The following PTPRG variants were observed in gnomAD, a reference collection of about 807,000 sequenced individuals.
PTPRG encodes the protein receptor-type tyrosine-protein phosphatase gamma.
Under a neutral mutation model 165.3 loss-of-function variants are expected in PTPRG, and 102 were observed. That is an observed-to-expected ratio of 0.62 (90% CI 0.53 to 0.73). The LOEUF (loss-of-function observed/expected upper bound fraction) is 0.73, where lower values mean the gene tolerates loss of function less well. Ranked by LOEUF, PTPRG falls within the 30% of genes least tolerant of loss-of-function variation. PTPRG has a pLI of 0.00. For synonymous variants in PTPRG, 675 were observed against 669.5 expected, an observed-to-expected ratio of 1.01 and a Z score of -0.13; for missense variants, 1,866 against 1,861.4, an observed-to-expected ratio of 1.00 and a Z score of -0.05.
intron 1 of PTPRG, among the ~76,000 whole-genome samples, chr3:61,656,445 G>A (rs1182541192): frequency 6.6e-6 from 1 of 152,160 alleles, no homozygotes; most frequent in African/African-American, 2.4e-5. Context: ...AACCAGGAAT[G>A]CATTTTAAGG....
intron 13 of PTPRG, among the ~76,000 whole-genome samples, chr3:62,221,922 T>TAATG (rs1700659961): frequency 6.6e-6 from 1 of 152,260 alleles, no homozygotes. Context: ...GTGTTAGTGC[T>TAATG]AATGTTCAGT....
At chr3:61,855,358 T>C (rs1206084251) in intron 2 of PTPRG, among the ~76,000 whole-genome samples, 2 of 152,212 alleles carry the variant, frequency 1.3e-5, no homozygotes, top group Admixed American at 1.3e-4. Context: ...TTCAGTGTTT[T>C]GTAATTAATC....
intron 1 of PTPRG, among the ~76,000 whole-genome samples, chr3:61,731,057 G>A (rs1021209700): frequency 2.6e-5 from 4 of 152,176 alleles, no homozygotes; most frequent in African/African-American, 9.7e-5. Context: ...TCAATGCCAA[G>A]CCAAGGTGTT....
intron 7 of PTPRG, among the ~76,000 whole-genome samples, chr3:62,164,965 G>A (rs916307309): frequency 6.6e-6 from 1 of 152,116 alleles, no homozygotes; most frequent in Non-Finnish European, 1.5e-5. Flanking sequence ...AAAATTTCCG[G>A]TCTAATTCAC....
chr3:61,616,748 T>G (rs1701308953), intron 1 of PTPRG, among the ~76,000 whole-genome samples: 2 of 152,176 alleles, frequency 1.3e-5, no homozygotes, highest in South Asian at 4.1e-4. Flanking sequence ...CTAGATTTCA[T>G]TCTCTCAATT....
intron 4 of PTPRG, among the ~76,000 whole-genome samples, chr3:62,004,764 G>A (rs2041255854): frequency 6.6e-6 from 1 of 152,160 alleles, no homozygotes; most frequent in Non-Finnish European, 1.5e-5. Context: ...ACTTTTCACT[G>A]GTAACATATG....
At chr3:61,944,330 A>C (rs920895053) in intron 2 of PTPRG, among the ~76,000 whole-genome samples, 1 of 152,188 alleles carries the variant, frequency 6.6e-6, no homozygotes, top group African/African-American at 2.4e-5. Flanking sequence ...ATCGGAGCGC[A>C]TCTTACAACT....
chr3:62,166,197 C>CTTTTTTTTTTTTT lies in PTPRG; in HGVS notation c.841-1750_841-1738dup, dbSNP rs564761041. Among the ~76,000 whole-genome samples, 6 of 53,932 alleles carry CTTTTTTTTTTTTT rather than the reference C, an allele frequency of 1.1e-4. 1 individual carries two copies. The highest frequency in any genetic ancestry group is 1.7e-4 in the Non-Finnish European group (5 of 29,510). The allele number at this position is 53,932 out of a possible 152,430, so 35.4% of individuals were successfully genotyped here. ...TGGCTGCATATTTCAAATTACAGTTCTTTTTTTTTTTTTTTTTTTTTTTTT... is the reference window on the plus strand; with the variant it reads ...TGGCTGCATATTTCAAATTACAGTTCTTTTTTTTTTTTTTTTTTTTTTTTTTTTTTTTTTTTTT... On this transcript the variant is annotated intron_variant, in intron 7 of 29. Coordinates refer to ENST00000474889, the MANE Select transcript of PTPRG (RefSeq NM_002841.4).
intron 5 of PTPRG, chr3:62,118,364 G>A (rs9810819): frequency 1.3e-5 from 2 of 152,088 alleles, no homozygotes; most frequent in Non-Finnish European, 2.9e-5. Flanking sequence ...GATTTGCCTT[G>A]GTGGTCATAG....
At chr3:61,957,768 C>T (rs1347509414) in intron 2 of PTPRG, among the ~76,000 whole-genome samples, 1 of 152,158 alleles carries the variant, frequency 6.6e-6, no homozygotes, top group African/African-American at 2.4e-5. Flanking sequence ...TGTTTTCATG[C>T]GATTCCATTT....
chr3:61,815,241 A>G (rs1347215802), intron 2 of PTPRG, among the ~76,000 whole-genome samples: 2 of 110,094 alleles, frequency 1.8e-5, no homozygotes, highest in Non-Finnish European at 3.5e-5. Flanking sequence ...TACTAAAAAT[A>G]CAAAAAAAAA....
chr3:61,678,463 C>T (rs1222968835), intron 1 of PTPRG, among the ~76,000 whole-genome samples: 1 of 152,112 alleles, frequency 6.6e-6, no homozygotes, highest in Non-Finnish European at 1.5e-5. Context: ...CTGGAATTGA[C>T]GGGAACAACC....
chr3:61,605,649 G>T lies in PTPRG; in HGVS notation c.85+43277G>T, dbSNP rs566582443. Among the ~76,000 whole-genome samples, 231 of 152,110 alleles carry T rather than the reference G, an allele frequency of 1.5e-3. 1 individual carries two copies. The highest frequency in any genetic ancestry group is 2.6e-3 in the Non-Finnish European group (175 of 67,992). Reference sequence around the variant, plus strand: ...AGTGCTGTGATCATAGCTTACTGCTGCCTTGAACTCCTGGCCTCAAGTGAT... The same window carrying T: ...AGTGCTGTGATCATAGCTTACTGCTTCCTTGAACTCCTGGCCTCAAGTGAT... On this transcript the variant is annotated intron_variant, in intron 1 of 29. Transcript: ENST00000474889.
intron 2 of PTPRG, among the ~76,000 whole-genome samples, chr3:61,949,487 G>T (rs2039844093): frequency 6.6e-6 from 1 of 152,164 alleles, no homozygotes; most frequent in African/African-American, 2.4e-5. Flanking sequence ...GCTTTGGGTA[G>T]CGTTTACTAT....
chr3:62,219,616 C>T lies in PTPRG; in HGVS notation c.2288+633C>T, dbSNP rs895248331. Among the ~76,000 whole-genome samples the T allele has an allele frequency of 3.9e-5, 6 of 152,318 alleles. No individual in the cohort carries two copies. The highest frequency in any genetic ancestry group is 6.5e-5 in the Admixed American group (1 of 15,308). On this transcript the variant is annotated intron_variant, in intron 13 of 29. Coordinates refer to ENST00000474889, the MANE Select transcript of PTPRG (RefSeq NM_002841.4). The surrounding 1 kb of genome is among the most constrained non-coding windows in gnomAD (Gnocchi z 4.5). ...CTCAGCCAGCTCAGCTGAGCAACTC[C>T]GTCAAGCCCACTCGTTTGGCCTGGG... is the stretch of plus-strand genomic sequence containing the variant.
At chr3:62,206,677 A>C (rs542528843) in intron 12 of PTPRG, among the ~76,000 whole-genome samples, 1 of 152,128 alleles carries the variant, frequency 6.6e-6, no homozygotes, top group African/African-American at 2.4e-5. Flanking sequence ...TCACTCCTGT[A>C]GTCCCAGGAC....
intron 1 of PTPRG, among the ~76,000 whole-genome samples, chr3:61,710,469 T>C (rs1270880187): frequency 6.6e-6 from 1 of 152,198 alleles, no homozygotes; most frequent in East Asian, 1.9e-4. Flanking sequence ...AGGAAACTTC[T>C]CTTAGTCTCT....
At chr3:62,172,252 T>C (rs140639903) in intron 8 of PTPRG, among the ~76,000 whole-genome samples, 41 of 152,332 alleles carry the variant, frequency 2.7e-4, no homozygotes, top group African/African-American at 9.9e-4. Flanking sequence ...TCAAGTCTTT[T>C]AGATGTAAAC....
At chr3:61,675,608 G>A (rs774455071) in intron 1 of PTPRG, among the ~76,000 whole-genome samples, 1 of 152,066 alleles carries the variant, frequency 6.6e-6, no homozygotes, top group African/African-American at 2.4e-5. Flanking sequence ...TGCTTCCTAG[G>A]CAGTTGTATG....
Sources: allele counts gnomAD v4.1 joint callset (sites outside exome capture counted in the v4.1 genomes callset), GRCh38; gene constraint gnomAD v4.1.1; non-coding constraint Gnocchi (gnomAD v3.1); transcripts MANE v1.5; gene names NCBI Gene and HGNC (gene_info 2026-07-23, HGNC 2026-07-21).